The following DHRS7 variants were observed in gnomAD, a reference collection of about 807,000 sequenced individuals.
DHRS7 encodes the protein dehydrogenase/reductase 7, also known as dehydrogenase/reductase SDR family member 7.
Under a neutral mutation model 38.9 loss-of-function variants are expected in DHRS7, and 34 were observed. That is an observed-to-expected ratio of 0.87 (90% CI 0.66 to 1.16). DHRS7 has a LOEUF of 1.16. DHRS7 is among the 50% of genes most tolerant of loss of function. The pLI is 0.00. For missense variants in DHRS7, 421 were observed against 407.0 expected, an observed-to-expected ratio of 1.03 and a Z score of -0.30; for synonymous variants, 158 against 153.1, an observed-to-expected ratio of 1.03 and a Z score of -0.24.
rs1165389514 is a variant in DHRS7 at position 60,145,797 on chromosome 14, A to G, written c.973-784T>C. 1 of 152,156 alleles carries G rather than the reference A, an allele frequency of 6.6e-6. No homozygotes were observed. The highest frequency in any genetic ancestry group is 1.5e-5 in the Non-Finnish European group (1 of 68,024). The allele number at this position is 152,156 out of a possible 1,614,324, so 9.4% of individuals were successfully genotyped here. ...TCTTTTCAGAAGATATGCATTTACC[A>G]CTTTCAAAACTTTGCACTAAGAAAG... is the stretch of plus-strand genomic sequence containing the variant. On this transcript the variant is annotated intron_variant, in intron 6 of 6. Transcript: ENST00000557185. This position sits in a 1 kb window ranked among gnomAD's most constrained non-coding sequence, Gnocchi z 4.0.
intron 1 of DHRS7, among the ~76,000 whole-genome samples, chr14:60,157,685 C>T (rs897276569): frequency 4.6e-5 from 7 of 152,158 alleles, no homozygotes; most frequent in Non-Finnish European, 8.8e-5. Flanking sequence ...CCCTGTCTAC[C>T]TTGTTCATTG....
Position 60,153,451 on chromosome 14 carries a change from C to T in DHRS7, c.394-273G>A, listed in dbSNP as rs1391412987. On this transcript the variant is annotated intron_variant, in intron 3 of 6. Transcript: ENST00000557185. This position sits in a 1 kb window ranked among gnomAD's most constrained non-coding sequence, Gnocchi z 4.4. ...GGCACAGTAGCCTGTAATCCCTGCA[C>T]TTTGGGAGGCTGAGGAGGGTGGACC... 6.6e-6 allele frequency among the ~76,000 whole-genome samples: 1 copy of T among 152,160 alleles called. No homozygotes were observed. Among genetic ancestry groups the T allele is most frequent in the Non-Finnish European group, 1.5e-5 (1 of 68,022 alleles).
intron 4 of DHRS7, 145 bp downstream of exon 4, chr14:60,152,794 G>A (rs1363653496): frequency 1.3e-6 from 1 of 774,132 alleles, no homozygotes. Flanking sequence ...AGCATCTACT[G>A]GGGGTGTCCT....
intron 1 of DHRS7, among the ~76,000 whole-genome samples, chr14:60,159,711 T>C (rs559034586): frequency 2.6e-5 from 4 of 152,338 alleles, no homozygotes; most frequent in East Asian, 3.9e-4. Flanking sequence ...CACAGATTCA[T>C]GTACCCTATC....
intron 4 of DHRS7, among the ~76,000 whole-genome samples, chr14:60,151,005 G>C (rs774816236): frequency 6.6e-6 from 1 of 152,132 alleles, no homozygotes; most frequent in African/African-American, 2.4e-5. Flanking sequence ...AATCACTGAG[G>C]TCAGGTTTCT....
Position 60,159,334 on chromosome 14 carries a change from T to C in DHRS7, c.134-3182A>G, listed in dbSNP as rs531890708. 6.0e-4 allele frequency: 244 copies of C among 404,274 alleles called. 6 individuals are homozygous for C. Among genetic ancestry groups the C allele is most frequent in the South Asian group, 5.0e-3 (230 of 46,358 alleles). The allele number at this position is 404,274 out of a possible 1,614,324, so 25.0% of individuals were successfully genotyped here. ...ACAAAAAGCAAAAGAAAATACAGAA[T>C]TGAAGCCCTTCTGTTTTATGGAATT... is the stretch of plus-strand genomic sequence containing the variant. On this transcript the variant is annotated intron_variant, in intron 1 of 6. Transcript: ENST00000557185.
chr14:60,165,446 G>C, upstream of DHRS7: 2 of 1,371,048 alleles, frequency 1.5e-6, no homozygotes, highest in South Asian at 1.7e-5. This position sits in a 1 kb window ranked among gnomAD's most constrained non-coding sequence, Gnocchi z 4.6. Context: ...GGAGCAGGCC[G>C]GGAGGAGGAG....
intron 6 of DHRS7, chr14:60,147,346 T>C (rs1896433418): frequency 6.6e-6 from 1 of 152,214 alleles, no homozygotes; most frequent in African/African-American, 2.4e-5. Flanking sequence ...TTAATAATAC[T>C]GTATAGCATA....
At chr14:60,164,672 A>C (rs895485579) in intron 1 of DHRS7, among the ~76,000 whole-genome samples, 2 of 152,212 alleles carry the variant, frequency 1.3e-5, no homozygotes, top group Non-Finnish European at 2.9e-5. Flanking sequence ...TAGGTGAAGG[A>C]CTTCGGATTA....
At chr14:60,149,227 C>T (rs776971389) in intron 6 of DHRS7, 126 bp downstream of exon 6, 20 of 878,016 alleles carry the variant, frequency 2.3e-5, no homozygotes, top group Non-Finnish European at 3.7e-5. Context: ...CCTTGGCCTC[C>T]CAAAGTGCTG....
At chr14:60,166,883 C>A (rs1449239787), upstream of DHRS7, among the ~76,000 whole-genome samples, 1 of 150,188 alleles carries the variant, frequency 6.7e-6, no homozygotes, top group Non-Finnish European at 1.5e-5. Flanking sequence ...ACATGAGAAG[C>A]AATAAGCCCA....
chr14:60,165,434 A>G, upstream of DHRS7: 2 of 1,406,386 alleles, frequency 1.4e-6, no homozygotes, highest in Non-Finnish European at 1.8e-6. The surrounding 1 kb of genome is among the most constrained non-coding windows in gnomAD (Gnocchi z 4.6). Flanking sequence ...GGCTCCGCCC[A>G]GGGAGCAGGC....
rs1896603970 is a variant in DHRS7, at chr14:60,153,966, A to G, written c.386T>C (p.Phe129Ser). Residue 129 changes from phenylalanine to serine, a missense_variant, in exon 3 of 7, where the codon TTT becomes TCT. Coordinates refer to ENST00000557185, the MANE Select transcript of DHRS7 (RefSeq NM_016029.4). This position sits in a 1 kb window ranked among gnomAD's most constrained non-coding sequence, Gnocchi z 4.4. ...ATATAAGATGCTACTTACTCTACCA[A>G]ACTCCTGGAGAACAGCTTTGGTAGC... ...EAATKAVLQE[F>S]GRIDILVNNG... 1 of 1,613,660 alleles carries G rather than the reference A, an allele frequency of 6.2e-7. No homozygotes were observed. Among genetic ancestry groups the G allele is most frequent in the Admixed American group, 1.7e-5 (1 of 59,988 alleles).
rs765551826 is a variant in DHRS7 at position 60,165,229 on chromosome 14, C to T, written c.81G>A (p.Arg27=). Residue 27 remains arginine (R), a synonymous_variant, in exon 1 of 7, where the codon AGG becomes AGA. Coordinates refer to ENST00000557185, the MANE Select transcript of DHRS7 (RefSeq NM_016029.4). The surrounding 1 kb of genome is among the most constrained non-coding windows in gnomAD (Gnocchi z 4.6). The stretch of plus-strand genomic sequence containing the variant: ...ATAGTAGCGTCAGGTCGCCGTCAGC[C>T]CTCAGGAAGCGCAGCAGCTGCACCA... ...LLLVQLLRFL[R]ADGDLTLLWA... 6.2e-7 allele frequency: 1 copy of T among 1,611,726 alleles called. No homozygotes were observed. Among genetic ancestry groups the T allele is most frequent in the Admixed American group, 1.7e-5 (1 of 59,944 alleles).
chr14:60,165,085 C>G lies in DHRS7; in HGVS notation c.133+92G>C. ...AGCTCCACGCAACCCACAAAGGACC[C>G]GGGATCACTGCAGAACCCCCGGAGA... On this transcript the variant is annotated intron_variant, in intron 1 of 6. Transcript: ENST00000557185. The surrounding 1 kb of genome is among the most constrained non-coding windows in gnomAD (Gnocchi z 4.6). 6.7e-7 allele frequency: 1 copy of G among 1,500,256 alleles called. No homozygotes were observed. Among genetic ancestry groups the G allele is most frequent in the Non-Finnish European group, 9.1e-7 (1 of 1,104,284 alleles). The allele number at this position is 1,500,256 out of a possible 1,614,324, so 92.9% of individuals were successfully genotyped here.
At chr14:60,147,854 G>C (rs1018828922) in intron 6 of DHRS7, 4 of 152,188 alleles carry the variant, frequency 2.6e-5, no homozygotes, top group African/African-American at 9.7e-5. Flanking sequence ...TAGTAAGGTG[G>C]CCTGTCCCTC....
At chr14:60,154,128 C>T in intron 2 of DHRS7, 63 bp from the exon 3 acceptor site, 2 of 1,200,504 alleles carry the variant, frequency 1.7e-6, no homozygotes, top group South Asian at 1.3e-5. Flanking sequence ...CCTTGCTACT[C>T]CCACTAACAC....
At chr14:60,168,984 T>TC, upstream of DHRS7, 1 of 392,682 alleles carries the variant, frequency 2.5e-6, no homozygotes, top group Admixed American at 4.4e-5. Context: ...TAACATACAT[T>TC]GCACCGAGGC....
At chr14:60,152,880 A>G (rs1489597755) in intron 4 of DHRS7, 59 bp downstream of exon 4, 7 of 1,592,562 alleles carry the variant, frequency 4.4e-6, no homozygotes, top group Non-Finnish European at 6.0e-6. Context: ...AGTGATGGCC[A>G]TATCCCCCAT....
Sources: gnomAD v4.1 joint callset for allele counts (sites outside exome capture counted in the v4.1 genomes callset) on GRCh38, gnomAD v4.1.1 for gene constraint, Gnocchi (gnomAD v3.1) non-coding constraint, MANE v1.5 for transcripts, NCBI Gene and HGNC (gene_info 2026-07-23, HGNC 2026-07-21) for gene names.